Variants in NTNG2 observed in about 807,000 individuals in gnomAD.
NTNG2 encodes the protein netrin-G2.
A neutral mutation model predicts 47.6 loss-of-function variants in NTNG2; 15 were observed. The observed-to-expected ratio is 0.32, with a 90% CI of 0.21 to 0.49. NTNG2 has a LOEUF of 0.49. Among genes scored for constraint, NTNG2 ranks in the 20% least tolerant of loss-of-function variants. The probability of loss-of-function intolerance (pLI) is 0.99; values close to 1 mark genes in which losing one functional copy is unlikely to be tolerated. For missense variants in NTNG2, 578 were observed against 764.6 expected (o/e 0.76, Z 2.88); for synonymous variants, 307 against 324.6 (o/e 0.95, Z 0.58).
At chr9:132,194,305 G>A (rs1838116122) in intron 2 of NTNG2, among the ~76,000 whole-genome samples, 1 of 152,174 alleles carries the variant, frequency 6.6e-6, no homozygotes, top group Non-Finnish European at 1.5e-5. Flanking sequence ...AGCCCATTCT[G>A]CATCCAGGCT....
chr9:132,214,694 C>A (rs1435870007), intron 3 of NTNG2, among the ~76,000 whole-genome samples: 1 of 152,128 alleles, frequency 6.6e-6, no homozygotes, highest in African/African-American at 2.4e-5. Flanking sequence ...GGCCAGACAG[C>A]CACACGGGTG....
intron 3 of NTNG2, among the ~76,000 whole-genome samples, chr9:132,222,703 C>G (rs150239982): frequency 3.9e-5 from 6 of 152,190 alleles, no homozygotes; most frequent in African/African-American, 1.2e-4. Context: ...ACGGCCCACC[C>G]AGGACCTGCA....
intron 3 of NTNG2, among the ~76,000 whole-genome samples, chr9:132,213,514 C>T (rs538839010): frequency 2.4e-4 from 37 of 152,240 alleles, no homozygotes; most frequent in African/African-American, 8.2e-4. Flanking sequence ...TTCCTCACTG[C>T]AGTCCAGGTC....
intron 2 of NTNG2, among the ~76,000 whole-genome samples, chr9:132,178,961 C>CAA (rs33967810): frequency 0.024 from 1,983 of 82,178 alleles, 71 homozygotes; most frequent in African/African-American, 0.071. Context: ...GACTCGGTCT[C>CAA]AAAAAAAAAA....
At chr9:132,168,730 A>T (rs1835678502) in intron 2 of NTNG2, among the ~76,000 whole-genome samples, 1 of 152,038 alleles carries the variant, frequency 6.6e-6, no homozygotes, top group East Asian at 1.9e-4. Flanking sequence ...AGCCGGTGGG[A>T]GGGTTCTCCA....
At chr9:132,229,018 G>A (rs1455791401) in intron 4 of NTNG2, among the ~76,000 whole-genome samples, 4 of 152,066 alleles carry the variant, frequency 2.6e-5, no homozygotes, top group South Asian at 4.1e-4. Flanking sequence ...GGATAGACAG[G>A]CCTGTAGGGG....
intron 2 of NTNG2, among the ~76,000 whole-genome samples, chr9:132,188,257 G>A (rs532760326): frequency 2.1e-4 from 32 of 152,324 alleles, no homozygotes; most frequent in East Asian, 1.9e-3. Flanking sequence ...GCAGCCTCCC[G>A]TCCTGGTGAG....
At chr9:132,184,096 C>T (rs1414396637) in intron 2 of NTNG2, among the ~76,000 whole-genome samples, 3 of 152,356 alleles carry the variant, frequency 2.0e-5, no homozygotes, top group South Asian at 2.1e-4. Flanking sequence ...CCACCCCCAA[C>T]GACGAGCCAG....
In NTNG2 at chr9:132,174,790, C is replaced by T. The variant is rs529325946; in HGVS notation, c.213+7746C>T. Among the ~76,000 whole-genome samples the T allele has an allele frequency of 6.6e-5, 10 of 152,030 alleles. No homozygotes were observed. The South Asian group carries it at 1.0e-3, about 16-fold the overall frequency. Reference sequence around the variant, plus strand: ...TACAAAAATTAGCCGGGTGTGGTGGCGCGCGCCTGTAATCCCAGCTACTTG... The same window carrying T: ...TACAAAAATTAGCCGGGTGTGGTGGTGCGCGCCTGTAATCCCAGCTACTTG... On this transcript the variant is annotated intron_variant, in intron 2 of 7. Coordinates refer to ENST00000393229, the MANE Select transcript of NTNG2 (RefSeq NM_032536.4).
At chr9:132,205,470 G>A (rs1431591212) in intron 3 of NTNG2, among the ~76,000 whole-genome samples, 1 of 152,156 alleles carries the variant, frequency 6.6e-6, no homozygotes. Flanking sequence ...GCGGAATGGG[G>A]GTTAGTATTT....
rs940106722 is a variant in NTNG2, at chr9:132,182,090, C to A, written c.213+15046C>A. Reference sequence around the variant, plus strand: ...CCGGAGGAGTGACGGTGTTCCCCACCCCCTGCCCTTTGAGACACAATGGAG... The same window carrying A: ...CCGGAGGAGTGACGGTGTTCCCCACACCCTGCCCTTTGAGACACAATGGAG... On this transcript the variant is annotated intron_variant, in intron 2 of 7. Transcript: ENST00000393229. The surrounding 1 kb of genome is among the most constrained non-coding windows in gnomAD (Gnocchi z 4.2). Among the ~76,000 whole-genome samples, 6 of 152,244 alleles carry A rather than the reference C, an allele frequency of 3.9e-5. No homozygotes were observed. The highest frequency in any genetic ancestry group is 3.3e-4 in the Admixed American group (5 of 15,290).
chr9:132,204,673 C>T (rs1839032197), intron 3 of NTNG2, among the ~76,000 whole-genome samples: 1 of 152,174 alleles, frequency 6.6e-6, no homozygotes, highest in East Asian at 1.9e-4. Context: ...ATTCCCATAG[C>T]CCAGGTAGCA....
chr9:132,227,630 T>C (rs928626648), intron 4 of NTNG2, among the ~76,000 whole-genome samples: 1 of 152,166 alleles, frequency 6.6e-6, no homozygotes, highest in Non-Finnish European at 1.5e-5. Context: ...TATCCCTTTT[T>C]ACAGATGTGT....
intron 5 of NTNG2, among the ~76,000 whole-genome samples, chr9:132,234,174 A>C (rs1175669830): frequency 1.3e-5 from 2 of 151,896 alleles, no homozygotes; most frequent in East Asian, 3.9e-4. Context: ...GATTACAGGC[A>C]CCTGTCACCA....
rs139836050 is a variant in NTNG2 at position 132,202,913 on chromosome 9, A to G, written c.857+4304A>G. Among the ~76,000 whole-genome samples, 397 of 152,304 alleles carry G rather than the reference A, an allele frequency of 2.6e-3. 3 individuals are homozygous for G. The Middle Eastern group carries it at 0.031, about 12-fold the overall frequency. ...GATGACTGTAACCTGTTGGAACCTCAGTTTTCTCATCTGCAAAATGGAGAA... is the reference window on the plus strand; with the variant it reads ...GATGACTGTAACCTGTTGGAACCTCGGTTTTCTCATCTGCAAAATGGAGAA... On this transcript the variant is annotated intron_variant, in intron 3 of 7. Coordinates refer to ENST00000393229, the MANE Select transcript of NTNG2 (RefSeq NM_032536.4).
chr9:132,207,872 G>C (rs1564418404), intron 3 of NTNG2, among the ~76,000 whole-genome samples: 1 of 152,212 alleles, frequency 6.6e-6, no homozygotes, highest in Non-Finnish European at 1.5e-5. Context: ...GGGAGGCTGA[G>C]GCTGGCGGAT....
intron 2 of NTNG2, among the ~76,000 whole-genome samples, chr9:132,188,369 C>G (rs998192591): frequency 1.1e-4 from 16 of 152,256 alleles, no homozygotes; most frequent in African/African-American, 3.9e-4. Flanking sequence ...TGCGGGAGCA[C>G]AGTGCGGCCC....
intron 2 of NTNG2, among the ~76,000 whole-genome samples, chr9:132,186,358 T>A (rs1837385508): frequency 6.6e-6 from 1 of 152,226 alleles, no homozygotes; most frequent in South Asian, 2.1e-4. Context: ...AGAATCCACA[T>A]ATGCCCAGGG....
In NTNG2 at chr9:132,178,786, CAAAAAAA is replaced by C. The variant is rs57942639; in HGVS notation, c.213+11756_213+11762del. On this transcript the variant is annotated intron_variant, in intron 2 of 7. Coordinates refer to ENST00000393229, the MANE Select transcript of NTNG2 (RefSeq NM_032536.4). ...TGAAACCCCATCTCTACTAAAAATA[CAAAAAAA>C]AAAAAAAAAAAAATTAGCTGGGTGT... Among the ~76,000 whole-genome samples the C allele has an allele frequency of 4.4e-3, 411 of 93,548 alleles. 2 individuals carry two copies. The highest frequency in any genetic ancestry group is 6.9e-3 in the Non-Finnish European group (276 of 40,274). The allele number at this position is 93,548 out of a possible 152,430, so 61.4% of individuals were successfully genotyped here.
Sources: allele counts gnomAD v4.1 joint callset (sites outside exome capture counted in the v4.1 genomes callset), GRCh38; gene constraint gnomAD v4.1.1; non-coding constraint Gnocchi (gnomAD v3.1); transcripts MANE v1.5; gene names NCBI Gene and HGNC (gene_info 2026-07-23, HGNC 2026-07-21).